RYR2: variants seen among roughly 807,000 people sequenced by gnomAD.
RYR2 encodes cardiac muscle ryanodine receptor-calcium release channel.
In RYR2, 227 loss-of-function variants were observed where a neutral mutation model predicts 601.1. The observed-to-expected ratio is 0.38, with a 90% CI of 0.34 to 0.42. RYR2 has a LOEUF of 0.42. RYR2 is among the 10% of genes least tolerant of loss of function. The pLI, the probability that RYR2 is intolerant of heterozygous loss-of-function variation, is 1.00. For synonymous variants in RYR2, 2,223 were observed against 2,175.1 expected, an observed-to-expected ratio of 1.02 and a Z score of -0.61; for missense variants, 4,646 against 6,156.5, an observed-to-expected ratio of 0.75 and a Z score of 8.21.
chr1:237,643,551 A>C (rs1361081637), intron 48 of RYR2, 104 bp downstream of exon 48: 1 of 1,244,174 alleles, frequency 8.0e-7, no homozygotes, highest in Non-Finnish European at 1.2e-6. Context: ...CACTTCCTAA[A>C]TTATGTGTAT....
At chr1:237,618,200 C>T (rs1678689452) in intron 38 of RYR2, among the ~76,000 whole-genome samples, 1 of 151,278 alleles carries the variant, frequency 6.6e-6, no homozygotes, top group Non-Finnish European at 1.5e-5. Flanking sequence ...TTTTTTTTCT[C>T]ACCAGAATGT....
chr1:237,208,936 GTATA>G (rs56133827), intron 1 of RYR2, among the ~76,000 whole-genome samples: 5,375 of 89,464 alleles, frequency 0.06, 349 homozygotes, highest in Non-Finnish European at 0.065. Flanking sequence ...ATGTGTGTGT[GTATA>G]TATATATATA....
chr1:237,387,675 A>G (rs981856685), intron 9 of RYR2, among the ~76,000 whole-genome samples: 6 of 152,140 alleles, frequency 3.9e-5, no homozygotes, highest in Non-Finnish European at 4.4e-5. Context: ...ACCTCAGAGT[A>G]TTGCCTGGTT....
intron 27 of RYR2, among the ~76,000 whole-genome samples, chr1:237,565,826 A>T (rs1441503404): frequency 1.3e-5 from 2 of 152,082 alleles, no homozygotes; most frequent in African/African-American, 4.8e-5. Flanking sequence ...CCTCATTCTG[A>T]GACTTCCCCC....
intron 29 of RYR2, among the ~76,000 whole-genome samples, chr1:237,574,578 C>T (rs957932945): frequency 2.0e-5 from 3 of 152,102 alleles, no homozygotes; most frequent in Non-Finnish European, 4.4e-5. Context: ...GGATTGGGTC[C>T]TTCCTGAAGT....
At chr1:237,534,490 G>T (rs1317074188) in intron 25 of RYR2, among the ~76,000 whole-genome samples, 1 of 151,990 alleles carries the variant, frequency 6.6e-6, no homozygotes, top group Non-Finnish European at 1.5e-5. Context: ...AGTGCTGCAT[G>T]CATGAAACAT....
At chr1:237,769,477 A>G (rs1278506584) in intron 84 of RYR2, among the ~76,000 whole-genome samples, 1 of 152,152 alleles carries the variant, frequency 6.6e-6, no homozygotes, top group Admixed American at 6.5e-5. Context: ...ACCAAATTTC[A>G]TATCTTGTGG....
At chr1:237,814,957 T>C (rs1558473392) in intron 100 of RYR2, among the ~76,000 whole-genome samples, 4 of 138,466 alleles carry the variant, frequency 2.9e-5, no homozygotes, top group African/African-American at 1.1e-4. Flanking sequence ...GCTCCTTTTT[T>C]CTTTTTTCTT....
intron 29 of RYR2, among the ~76,000 whole-genome samples, chr1:237,580,834 A>G (rs1186190811): frequency 1.3e-5 from 2 of 151,742 alleles, no homozygotes; most frequent in Admixed American, 6.6e-5. Context: ...AGAAAAGACC[A>G]TGTGAGGATA....
At chr1:237,067,351 A>G (rs1387207581) in intron 1 of RYR2, among the ~76,000 whole-genome samples, 1 of 152,042 alleles carries the variant, frequency 6.6e-6, no homozygotes, top group Non-Finnish European at 1.5e-5. Flanking sequence ...TAGAGATTCT[A>G]TTTTTTTCCT....
intron 2 of RYR2, among the ~76,000 whole-genome samples, chr1:237,281,049 T>C (rs1690809056): frequency 6.6e-6 from 1 of 152,124 alleles, no homozygotes; most frequent in South Asian, 2.1e-4. Flanking sequence ...CCTCCCAAAG[T>C]GCTGGGATTT....
At chr1:237,821,874 A>G (rs929144726) in intron 101 of RYR2, among the ~76,000 whole-genome samples, 3 of 151,748 alleles carry the variant, frequency 2.0e-5, no homozygotes, top group East Asian at 3.9e-4. Flanking sequence ...AACTTTGTGA[A>G]GCATATATAA....
Position 237,808,654 on chromosome 1 carries a change from CA to C in RYR2, c.14299-233del, listed in dbSNP as rs35162950. ...CAGCCTGGTGACAGAAACTCTGTCT[CA>C]AAAAAAAAAAAAACAAAATAAAATA... On this transcript the variant is annotated intron_variant, in intron 99 of 104. Transcript: ENST00000366574. Among the ~76,000 whole-genome samples, 41,514 of 115,912 alleles carry C rather than the reference CA, an allele frequency of 0.36. 5,524 individuals carry two copies. The highest frequency in any genetic ancestry group is 0.54 in the East Asian group (2,312 of 4,286). The allele number at this position is 115,912 out of a possible 152,430, so 76.0% of individuals were successfully genotyped here. A position where few individuals can be genotyped will look rare whatever the true frequency, so the allele number is the denominator to read the frequency against.
chr1:237,132,064 T>C (rs1260912593), intron 1 of RYR2, among the ~76,000 whole-genome samples: 1 of 152,120 alleles, frequency 6.6e-6, no homozygotes. Flanking sequence ...ACACACTGAA[T>C]AGGGTTGGTC....
chr1:237,243,766 G>T (rs569970121), intron 1 of RYR2, among the ~76,000 whole-genome samples: 11 of 152,102 alleles, frequency 7.2e-5, no homozygotes, highest in Non-Finnish European at 1.5e-4. Context: ...CTCCTGGGGC[G>T]GAACACACCC....
chr1:237,395,533 CTTTTTTTTTTTTTTT>C (rs71180022), intron 10 of RYR2, among the ~76,000 whole-genome samples: 6 of 87,428 alleles, frequency 6.9e-5, no homozygotes, highest in South Asian at 4.5e-4. Context: ...GTAGGACTGT[CTTTTTTTTTTTTTTT>C]TTTTTTTTTT....
intron 1 of RYR2, among the ~76,000 whole-genome samples, chr1:237,253,755 G>A (rs1010549413): frequency 1.3e-5 from 2 of 152,176 alleles, no homozygotes; most frequent in African/African-American, 4.8e-5. Context: ...CTGGAGAAAA[G>A]CCTTCAGCTG....
At chr1:237,111,700 T>C (rs920234198) in intron 1 of RYR2, among the ~76,000 whole-genome samples, 1 of 151,820 alleles carries the variant, frequency 6.6e-6, no homozygotes, top group African/African-American at 2.4e-5. Flanking sequence ...ATCTTTGCCA[T>C]CTTTGGGATT....
intron 12 of RYR2, among the ~76,000 whole-genome samples, chr1:237,432,444 G>T (rs1251965422): frequency 6.6e-6 from 1 of 152,136 alleles, no homozygotes; most frequent in Non-Finnish European, 1.5e-5. Flanking sequence ...GGAATGGAAA[G>T]AAAATTCTTA....
Sources: allele counts gnomAD v4.1 joint callset (sites outside exome capture counted in the v4.1 genomes callset), GRCh38; gene constraint gnomAD v4.1.1; transcripts MANE v1.5; gene names NCBI Gene and HGNC (gene_info 2026-07-23, HGNC 2026-07-21).